The following NDUFAF2 variants were observed in gnomAD, a reference collection of about 807,000 sequenced individuals.
The protein encoded by NDUFAF2 is NADH:ubiquinone oxidoreductase complex assembly factor 2, also known as NADH dehydrogenase [ubiquinone] 1 alpha subcomplex assembly factor 2.
NDUFAF2 carries 13 observed loss-of-function variants against 22.8 expected under a neutral mutation model. The observed-to-expected ratio is 0.57, with a 90% confidence interval of 0.37 to 0.91. The LOEUF (loss-of-function observed/expected upper bound fraction) is 0.91. Among genes scored for constraint, NDUFAF2 ranks in the 40% least tolerant of loss-of-function variants. NDUFAF2 has a pLI of 0.01. For missense variants in NDUFAF2, 162 were observed against 195.2 expected (o/e 0.83, Z 1.01); for synonymous variants, 53 against 64.2 (o/e 0.83, Z 0.84).
intron 1 of NDUFAF2, among the ~76,000 whole-genome samples, chr5:61,060,494 A>G (rs952128577): frequency 6.6e-6 from 1 of 152,164 alleles, no homozygotes; most frequent in African/African-American, 2.4e-5. Flanking sequence ...ATTTAGAATT[A>G]TCACCTGATT....
chr5:61,123,657 C>A (rs917820374), intron 3 of NDUFAF2, among the ~76,000 whole-genome samples: 1 of 152,114 alleles, frequency 6.6e-6, no homozygotes, highest in Non-Finnish European at 1.5e-5. Flanking sequence ...TTTACATGTA[C>A]TTGTAAAATG....
intron 3 of NDUFAF2, among the ~76,000 whole-genome samples, chr5:61,134,541 C>A (rs1740879662): frequency 6.6e-6 from 1 of 152,198 alleles, no homozygotes; most frequent in South Asian, 2.1e-4. Flanking sequence ...AAAAAATTAG[C>A]CGGACGTGGT....
intron 1 of NDUFAF2, among the ~76,000 whole-genome samples, chr5:61,071,699 A>G (rs1408697518): frequency 3.9e-5 from 6 of 152,178 alleles, no homozygotes; most frequent in African/African-American, 1.4e-4. Context: ...GACTGGTCTG[A>G]TCACTGTTAA....
chr5:60,957,416 A>G (rs887956117), intron 1 of NDUFAF2, among the ~76,000 whole-genome samples: 2 of 152,066 alleles, frequency 1.3e-5, no homozygotes, highest in Non-Finnish European at 2.9e-5. Context: ...AAATCCCTTA[A>G]TATCATCAGA....
intron 3 of NDUFAF2, among the ~76,000 whole-genome samples, chr5:61,129,713 G>A (rs967526038): frequency 6.6e-6 from 1 of 151,956 alleles, no homozygotes; most frequent in African/African-American, 2.4e-5. Context: ...AATGGGTGCA[G>A]CACACCAGCA....
At chr5:61,132,002 G>A (rs1279794394) in intron 3 of NDUFAF2, among the ~76,000 whole-genome samples, 1 of 152,054 alleles carries the variant, frequency 6.6e-6, no homozygotes, top group African/African-American at 2.4e-5. Flanking sequence ...TAAAAGTTCT[G>A]CTTTTCCCCT....
At chr5:61,152,291 G>GA (rs534580482) in intron 3 of NDUFAF2, among the ~76,000 whole-genome samples, 93 of 134,882 alleles carry the variant, frequency 6.9e-4, no homozygotes, top group East Asian at 1.3e-3. Context: ...GAATGGCAAA[G>GA]AAAAAAAAAA....
At chr5:61,099,740 A>G (rs972341762) in intron 3 of NDUFAF2, among the ~76,000 whole-genome samples, 2 of 152,134 alleles carry the variant, frequency 1.3e-5, no homozygotes, top group African/African-American at 2.4e-5. Context: ...CTCTAAATGC[A>G]TTAGTGTACT....
At position 60,998,212 on chromosome 5, in the gene NDUFAF2, G is replaced by T. The variant is rs1326600978; in HGVS notation, c.127+52830G>T. On this transcript the variant is annotated intron_variant, in intron 1 of 3. Transcript: ENST00000296597. Reference sequence around the variant, plus strand: ...ATCTTTAATTTTAGTAAGGCTAATTGTTATTGGTAACATTTGATAGTGTCC... The same window carrying T: ...ATCTTTAATTTTAGTAAGGCTAATTTTTATTGGTAACATTTGATAGTGTCC... 3.3e-5 allele frequency among the ~76,000 whole-genome samples: 5 copies of T among 152,062 alleles called. No homozygotes were observed. In the East Asian group the frequency reaches 9.6e-4, roughly 29 times the overall value.
At chr5:61,021,084 TC>T (rs1751577909) in intron 1 of NDUFAF2, among the ~76,000 whole-genome samples, 1 of 151,982 alleles carries the variant, frequency 6.6e-6, no homozygotes, top group Non-Finnish European at 1.5e-5. Context: ...GTTTCTCATT[TC>T]TAACTTTGTG....
At chr5:61,023,505 T>C (rs1751611968) in intron 1 of NDUFAF2, among the ~76,000 whole-genome samples, 1 of 152,160 alleles carries the variant, frequency 6.6e-6, no homozygotes, top group African/African-American at 2.4e-5. Flanking sequence ...AGGGACTATG[T>C]ATTCTATGGA....
chr5:61,132,373 T>C (rs1252599800), intron 3 of NDUFAF2, among the ~76,000 whole-genome samples: 2 of 152,228 alleles, frequency 1.3e-5, no homozygotes, highest in African/African-American at 4.8e-5. Context: ...TCCTTTGTTC[T>C]TATTTCCCAG....
intron 1 of NDUFAF2, among the ~76,000 whole-genome samples, chr5:61,033,651 A>G (rs1751756315): frequency 6.6e-6 from 1 of 152,132 alleles, no homozygotes; most frequent in Admixed American, 6.6e-5. Flanking sequence ...GCAAAAATTC[A>G]TGTTGTTTTG....
chr5:61,100,055 C>T (rs1752687848), intron 3 of NDUFAF2, among the ~76,000 whole-genome samples: 1 of 152,160 alleles, frequency 6.6e-6, no homozygotes, highest in African/African-American at 2.4e-5. Context: ...TATGTTGCTT[C>T]TGCCTTGGCC....
intron 1 of NDUFAF2, among the ~76,000 whole-genome samples, chr5:61,026,071 A>G (rs970854892): frequency 1.3e-5 from 2 of 152,144 alleles, no homozygotes; most frequent in African/African-American, 4.8e-5. Context: ...CTGAAATTCA[A>G]ACATGAGGAA....
At chr5:61,101,543 TTC>T (rs1277368908) in intron 3 of NDUFAF2, among the ~76,000 whole-genome samples, 9 of 152,142 alleles carry the variant, frequency 5.9e-5, no homozygotes, top group Non-Finnish European at 8.8e-5. Flanking sequence ...TGATCTTATG[TTC>T]CTGGTGCACT....
At chr5:61,144,902 C>G (rs559912526) in intron 3 of NDUFAF2, among the ~76,000 whole-genome samples, 1 of 152,118 alleles carries the variant, frequency 6.6e-6, no homozygotes, top group African/African-American at 2.4e-5. Context: ...CAAATATCCA[C>G]GCATGTTATC....
chr5:61,022,078 A>G (rs904099403), intron 1 of NDUFAF2, among the ~76,000 whole-genome samples: 1 of 152,182 alleles, frequency 6.6e-6, no homozygotes, highest in African/African-American at 2.4e-5. Flanking sequence ...TGCTTTACTC[A>G]AAGTCTACTA....
intron 2 of NDUFAF2, among the ~76,000 whole-genome samples, chr5:61,086,625 T>C (rs1353923234): frequency 1.3e-5 from 2 of 152,124 alleles, no homozygotes; most frequent in Non-Finnish European, 2.9e-5. Context: ...CCAAGAAATT[T>C]AACTTGGGAT....
Sources: allele counts gnomAD v4.1 joint callset (sites outside exome capture counted in the v4.1 genomes callset), GRCh38; gene constraint gnomAD v4.1.1; transcripts MANE v1.5; gene names NCBI Gene and HGNC (gene_info 2026-07-23, HGNC 2026-07-21).